The following RNF187 variants were observed in gnomAD, a reference collection of about 807,000 sequenced individuals.
The protein encoded by RNF187 is E3 ubiquitin-protein ligase RNF187.
A neutral mutation model predicts 22.2 loss-of-function variants in RNF187; 18 were observed. The ratio of observed to expected loss-of-function variants is 0.81; its 90% CI spans 0.56 to 1.20. RNF187 has a LOEUF of 1.20. Among genes scored for constraint, RNF187 ranks in the 50% most tolerant of loss-of-function variants. The pLI is 0.00. For synonymous variants in RNF187, 164 were observed against 140.9 expected, an observed-to-expected ratio of 1.16 and a Z score of -1.16; for missense variants, 329 against 317.6, an observed-to-expected ratio of 1.04 and a Z score of -0.27.
Position 228,493,821 on chromosome 1 carries a change from C to T in RNF187, c.706-62C>T. 1 of 1,527,080 alleles carries T rather than the reference C, an allele frequency of 6.5e-7. No individual in the cohort carries two copies. Among genetic ancestry groups the T allele is most frequent in the Non-Finnish European group, 8.9e-7 (1 of 1,124,646 alleles). The allele number at this position is 1,527,080 out of a possible 1,614,324, so 94.6% of individuals were successfully genotyped here. A position where few individuals can be genotyped will look rare whatever the true frequency, so the allele number is the denominator to read the frequency against. On this transcript the variant is annotated intron_variant, in intron 3 of 3. Coordinates refer to ENST00000305943, the MANE Select transcript of RNF187 (RefSeq NM_001010858.3). This position sits in a 1 kb window ranked among gnomAD's most constrained non-coding sequence, Gnocchi z 4.7. ...TCGCTCTCTCCTTTTGCCTCTGTCT[C>T]TGACTCTGTGTGTCTCTTTCTCTTT...
At chr1:228,491,592 C>T in intron 2 of RNF187, among the ~76,000 whole-genome samples, 1 of 151,978 alleles carries the variant, frequency 6.6e-6, no homozygotes, top group Non-Finnish European at 1.5e-5. Flanking sequence ...AGGTGTGCAC[C>T]ACCACGCCTG....
chr1:228,493,859 C>G lies in RNF187; in HGVS notation c.706-24C>G. On this transcript the variant is annotated intron_variant, in intron 3 of 3. Coordinates refer to ENST00000305943, the MANE Select transcript of RNF187 (RefSeq NM_001010858.3). This position sits in a 1 kb window ranked among gnomAD's most constrained non-coding sequence, Gnocchi z 4.7. ...TCTCTTTCTCTTTTTGTCTCTCTGTCTTTCCCTCTCCCCTCCCATGCAGTG... is the reference window on the plus strand; with the variant it reads ...TCTCTTTCTCTTTTTGTCTCTCTGTGTTTCCCTCTCCCCTCCCATGCAGTG... The G allele has an allele frequency of 3.2e-6, 5 of 1,551,352 alleles. No homozygotes were observed. In the East Asian group the frequency reaches 1.2e-4, roughly 38 times the overall value.
chr1:228,487,593 C>T lies in RNF187; in HGVS notation c.105C>T (p.Cys35=), dbSNP rs956109156. 5.8e-5 allele frequency: 74 copies of T among 1,272,732 alleles called. No individual in the cohort carries two copies. The highest frequency in any genetic ancestry group is 6.9e-5 in the Non-Finnish European group (69 of 995,232). 78.8% of individuals were successfully genotyped at this position (1,272,732 alleles called of 1,614,324 possible). The change falls in exon 1 of 4, where the codon TGC becomes TGT. Residue 35 remains cysteine (C), a synonymous_variant. Coordinates refer to ENST00000305943, the MANE Select transcript of RNF187 (RefSeq NM_001010858.3). ...GCGGCCACCGCTTCTGTCGGGCGTG[C>T]GTGGTGCGCTTCTGGGCCGAGGAGG...
Position 228,495,641 on chromosome 1 carries a change from C to T in RNF187, c.*1756C>T. 7.1e-6 allele frequency: 7 copies of T among 985,632 alleles called. No homozygotes were observed. The highest frequency in any genetic ancestry group is 8.4e-6 in the Non-Finnish European group (7 of 829,962). The allele number at this position is 985,632 out of a possible 1,614,324, so 61.1% of individuals were successfully genotyped here. A position where few individuals can be genotyped will look rare whatever the true frequency, so the allele number is the denominator to read the frequency against. The stretch of plus-strand genomic sequence containing the variant: ...GCAGAGTCTCCCACAACATCAGTGT[C>T]TCCACATCACCAGGTCCGACAGTGG... On this transcript the variant is annotated 3_prime_UTR_variant, in exon 4 of 4. Coordinates refer to ENST00000305943, the MANE Select transcript of RNF187 (RefSeq NM_001010858.3).
chr1:228,492,605 C>T, intron 2 of RNF187, among the ~76,000 whole-genome samples: 3 of 148,536 alleles, frequency 2.0e-5, no homozygotes, highest in Non-Finnish European at 4.4e-5. Context: ...TAGGCGTGAG[C>T]CCCCGTGCCT....
At position 228,493,366 on chromosome 1, in the gene RNF187, C is replaced by T; in HGVS notation, c.705+92C>T. 1.4e-6 allele frequency: 2 copies of T among 1,473,970 alleles called. No homozygotes were observed. Among genetic ancestry groups the T allele is most frequent in the Non-Finnish European group, 1.8e-6 (2 of 1,109,230 alleles). 91.3% of individuals were successfully genotyped at this position (1,473,970 alleles called of 1,614,324 possible). On this transcript the variant is annotated intron_variant, in intron 3 of 3. Coordinates refer to ENST00000305943, the MANE Select transcript of RNF187 (RefSeq NM_001010858.3). The surrounding 1 kb of genome is among the most constrained non-coding windows in gnomAD (Gnocchi z 4.7). The stretch of plus-strand genomic sequence containing the variant: ...GGGGGACCATTGCCCGAAGTCAAGG[C>T]TTAAAAGCCCAGCCTGACTCCCACT...
chr1:228,487,601 G>C lies in RNF187; in HGVS notation c.113G>C (p.Arg38Pro). 1 of 1,263,900 alleles carries C rather than the reference G, an allele frequency of 7.9e-7. No individual in the cohort carries two copies. 78.3% of individuals were successfully genotyped at this position (1,263,900 alleles called of 1,614,324 possible). Residue 38 changes from arginine (R) to proline (P), a missense_variant, in exon 1 of 4, where the codon CGC (arginine) becomes CCC (proline). By Grantham distance (103) the Arg-to-Pro change is moderately radical. Transcript: ENST00000305943. ...CGCTTCTGTCGGGCGTGCGTGGTGC[G>C]CTTCTGGGCCGAGGAGGACGGGCCC...
chr1:228,493,349 A>G lies in RNF187; in HGVS notation c.705+75A>G. The stretch of plus-strand genomic sequence containing the variant: ...GGCAGCAGCGAGCCATTGGGGGACC[A>G]TTGCCCGAAGTCAAGGCTTAAAAGC... On this transcript the variant is annotated intron_variant, in intron 3 of 3. Transcript: ENST00000305943. The surrounding 1 kb of genome is among the most constrained non-coding windows in gnomAD (Gnocchi z 4.7). 2.0e-5 allele frequency: 30 copies of G among 1,492,086 alleles called. No homozygotes were observed. The highest frequency in any genetic ancestry group is 2.5e-5 in the Non-Finnish European group (28 of 1,115,494). The allele number at this position is 1,492,086 out of a possible 1,614,324, so 92.4% of individuals were successfully genotyped here. A position where few individuals can be genotyped will look rare whatever the true frequency, so the allele number is the denominator to read the frequency against.
chr1:228,494,148 C>T lies in RNF187; in HGVS notation c.*263C>T. On this transcript the variant is annotated 3_prime_UTR_variant, in exon 4 of 4. Coordinates refer to ENST00000305943, the MANE Select transcript of RNF187 (RefSeq NM_001010858.3). ...CCTTCCTGAAGTCCTAGCCACAGCC[C>T]ATCCTCCATGAGTCCCGGCAGCTCT... 7.1e-7 allele frequency: 1 copy of T among 1,415,826 alleles called. No individual in the cohort carries two copies. Among genetic ancestry groups the T allele is most frequent in the Non-Finnish European group, 9.2e-7 (1 of 1,086,084 alleles). The allele number at this position is 1,415,826 out of a possible 1,614,324, so 87.7% of individuals were successfully genotyped here.
Position 228,493,254 on chromosome 1 carries a change from G to C in RNF187, c.685G>C (p.Gly229Arg). ...GCTGGAGAAGAAGCATCGCAACCTG[G>C]GCCTCAGCATGCTGCTGCAGGTGCG... Residue 229 changes from glycine to arginine, a missense_variant, in exon 3 of 4, where the codon GGC (glycine) becomes CGC (arginine). By Grantham distance (125) the Gly-to-Arg change is moderately radical. Transcript: ENST00000305943. This position sits in a 1 kb window ranked among gnomAD's most constrained non-coding sequence, Gnocchi z 4.7. 6.4e-7 allele frequency: 1 copy of C among 1,550,662 alleles called. No homozygotes were observed. The highest frequency in any genetic ancestry group is 8.7e-7 in the Non-Finnish European group (1 of 1,146,866).
intron 1 of RNF187, 45 bp from the exon 2 acceptor site, chr1:228,488,914 GA>G: frequency 6.8e-7 from 1 of 1,460,092 alleles, no homozygotes; most frequent in Non-Finnish European, 9.4e-7. Context: ...TGGGTTGGGG[GA>G]CCCAGAGCTT....
At position 228,493,299 on chromosome 1, in the gene RNF187, C is replaced by T; in HGVS notation, c.705+25C>T. 6.5e-7 allele frequency: 1 copy of T among 1,541,680 alleles called. No homozygotes were observed. The highest frequency in any genetic ancestry group is 8.8e-7 in the Non-Finnish European group (1 of 1,141,650). On this transcript the variant is annotated intron_variant, in intron 3 of 3. Coordinates refer to ENST00000305943, the MANE Select transcript of RNF187 (RefSeq NM_001010858.3). The surrounding 1 kb of genome is among the most constrained non-coding windows in gnomAD (Gnocchi z 4.7). ...GGTGCGGGAGCCCCGCTGGGTCTGC[C>T]CACCATCGGGCCAGGGTGGACGCAG...
chr1:228,493,001 C>G lies in RNF187; in HGVS notation c.484-52C>G. 3 of 1,490,236 alleles carry G rather than the reference C, an allele frequency of 2.0e-6. No individual in the cohort carries two copies. The highest frequency in any genetic ancestry group is 2.7e-6 in the Non-Finnish European group (3 of 1,113,320). The allele number at this position is 1,490,236 out of a possible 1,614,324, so 92.3% of individuals were successfully genotyped here. On this transcript the variant is annotated intron_variant, in intron 2 of 3. Coordinates refer to ENST00000305943, the MANE Select transcript of RNF187 (RefSeq NM_001010858.3). The surrounding 1 kb of genome is among the most constrained non-coding windows in gnomAD (Gnocchi z 4.7). ...TTCAAGAGCAAACAGGTTCCCCTTCCCCTGGGGAGGGTGGGTGAGGACACA... is the reference window on the plus strand; with the variant it reads ...TTCAAGAGCAAACAGGTTCCCCTTCGCCTGGGGAGGGTGGGTGAGGACACA...
chr1:228,492,972 C>T, intron 2 of RNF187, 81 bp from the exon 3 acceptor site: 3 of 1,417,912 alleles, frequency 2.1e-6, no homozygotes, highest in South Asian at 2.8e-5. Flanking sequence ...ATGTTCTTAA[C>T]TCCTTCAAGA....
chr1:228,488,683 C>G, intron 1 of RNF187, among the ~76,000 whole-genome samples: 1 of 152,216 alleles, frequency 6.6e-6, no homozygotes, highest in Non-Finnish European at 1.5e-5. Flanking sequence ...TGGTACAGGC[C>G]GAACTCACAC....
Position 228,493,812 on chromosome 1 carries a change from CCT to C in RNF187, c.706-68_706-67del. 6.7e-7 allele frequency: 1 copy of C among 1,493,798 alleles called. No individual in the cohort carries two copies. Among genetic ancestry groups the C allele is most frequent in the Non-Finnish European group, 9.1e-7 (1 of 1,094,566 alleles). The allele number at this position is 1,493,798 out of a possible 1,614,324, so 92.5% of individuals were successfully genotyped here. On this transcript the variant is annotated intron_variant, in intron 3 of 3. Transcript: ENST00000305943. This position sits in a 1 kb window ranked among gnomAD's most constrained non-coding sequence, Gnocchi z 4.7. ...CTCTCTCTTTCGCTCTCTCCTTTTG[CCT>C]CTGTCTCTGACTCTGTGTGTCTCTT... is the stretch of plus-strand genomic sequence containing the variant.
In RNF187 at chr1:228,495,462, A is replaced by G; in HGVS notation, c.*1577A>G. The G allele has an allele frequency of 1.0e-6, 1 of 985,308 alleles. No individual in the cohort carries two copies. The highest frequency in any genetic ancestry group is 1.2e-6 in the Non-Finnish European group (1 of 829,810). 61.0% of individuals were successfully genotyped at this position (985,308 alleles called of 1,614,324 possible). On this transcript the variant is annotated 3_prime_UTR_variant, in exon 4 of 4. Transcript: ENST00000305943. ...GAGCCTGGCCAGAGTTTGGCCAAGTAGAGAATCTTTGTCAGCACGCCAACA... is the reference window on the plus strand; with the variant it reads ...GAGCCTGGCCAGAGTTTGGCCAAGTGGAGAATCTTTGTCAGCACGCCAACA...
In RNF187 at chr1:228,487,397, C is replaced by G; in HGVS notation, c.-92C>G. ...CGTCCCCGGCGTTGGCGTCTTCGTC[C>G]TGTTGCTGGTCTCCGTCCGGTCGCC... On this transcript the variant is annotated 5_prime_UTR_variant, in exon 1 of 4. Transcript: ENST00000305943. 9.5e-7 allele frequency: 1 copy of G among 1,049,720 alleles called. No homozygotes were observed. The highest frequency in any genetic ancestry group is 1.1e-6 in the Non-Finnish European group (1 of 874,410). 65.0% of individuals were successfully genotyped at this position (1,049,720 alleles called of 1,614,324 possible).
Position 228,493,256 on chromosome 1 carries a change from C to A in RNF187, c.687C>A (p.Gly229=), listed in dbSNP as rs995193662. The A allele has an allele frequency of 4.5e-6, 7 of 1,550,360 alleles. No individual in the cohort carries two copies. Among genetic ancestry groups the A allele is most frequent in the Non-Finnish European group, 6.1e-6 (7 of 1,146,786 alleles). ...TGGAGAAGAAGCATCGCAACCTGGG[C>A]CTCAGCATGCTGCTGCAGGTGCGGG... The change falls in exon 3 of 4, where the codon GGC becomes GGA. Residue 229 remains glycine (G), a synonymous_variant. Coordinates refer to ENST00000305943, the MANE Select transcript of RNF187 (RefSeq NM_001010858.3). The surrounding 1 kb of genome is among the most constrained non-coding windows in gnomAD (Gnocchi z 4.7).
Sources: allele counts gnomAD v4.1 joint callset (sites outside exome capture counted in the v4.1 genomes callset), GRCh38; gene constraint gnomAD v4.1.1; non-coding constraint Gnocchi (gnomAD v3.1); transcripts MANE v1.5; gene names NCBI Gene and HGNC (gene_info 2026-07-23, HGNC 2026-07-21).